SMARCC1: variants seen among roughly 807,000 people sequenced by gnomAD.
SMARCC1 encodes the protein SWI/SNF complex subunit SMARCC1.
Under a neutral mutation model 147.4 loss-of-function variants are expected in SMARCC1, and 43 were observed. That is an observed-to-expected ratio of 0.29 (90% CI 0.23 to 0.38). SMARCC1 has a LOEUF of 0.38. SMARCC1 is among the 10% of genes least tolerant of loss of function. SMARCC1 has a pLI of 1.00. For synonymous variants in SMARCC1, 495 were observed against 484.4 expected (o/e 1.02, Z -0.29); for missense variants, 1,119 against 1,381.1 (o/e 0.81, Z 3.01).
chr3:47,733,736 C>T (rs373408653), intron 5 of SMARCC1, among the ~76,000 whole-genome samples: 2 of 151,494 alleles, frequency 1.3e-5, no homozygotes, highest in African/African-American at 2.4e-5. Flanking sequence ...TGGTGGTGGG[C>T]GCCTGTAGTC....
intron 2 of SMARCC1, among the ~76,000 whole-genome samples, chr3:47,755,381 G>A (rs1287641556): frequency 6.1e-5 from 9 of 147,478 alleles, no homozygotes; most frequent in East Asian, 4.1e-4. Context: ...CCTGTAGTCC[G>A]AACTACTTGG....
At chr3:47,713,358 T>TAAATAAATAAAA (rs1358664000) in intron 8 of SMARCC1, among the ~76,000 whole-genome samples, 5 of 135,730 alleles carry the variant, frequency 3.7e-5, no homozygotes, top group African/African-American at 1.3e-4. Flanking sequence ...AATAAATAAA[T>TAAATAAATAAAA]AAAAGATAAA....
Position 47,588,219 on chromosome 3 carries a change from G to A in SMARCC1, c.3308C>T (p.Ala1103Val), listed in dbSNP as rs1273571642. 6.2e-7 allele frequency: 1 copy of A among 1,613,550 alleles called. No individual in the cohort carries two copies. Among genetic ancestry groups the A allele is most frequent in the Non-Finnish European group, 8.5e-7 (1 of 1,179,632 alleles). Residue 1103 changes from alanine (A) to valine (V), a missense_variant, in exon 28 of 28, where the codon GCT (alanine) becomes GTT (valine). Coordinates refer to ENST00000254480, the MANE Select transcript of SMARCC1 (RefSeq NM_003074.4). ...CCTGCATCTTCCAGGCTAAGGAGCA[G>A]CTGAGGCTGGCGGGCCAGGAGCAGG... ...PPPAPGPPAS[A>V]AP is the part of the protein sequence containing the mutation.
At chr3:47,725,351 T>A (rs192060163) in intron 6 of SMARCC1, among the ~76,000 whole-genome samples, 2 of 152,140 alleles carry the variant, frequency 1.3e-5, no homozygotes, top group Admixed American at 1.3e-4. Context: ...CAGGTATGGG[T>A]TTATTTTTAA....
At chr3:47,681,909 A>G (rs575576272) in intron 14 of SMARCC1, among the ~76,000 whole-genome samples, 9 of 152,302 alleles carry the variant, frequency 5.9e-5, no homozygotes, top group Non-Finnish European at 1.0e-4. Flanking sequence ...ATTCTGTATC[A>G]TAACTAGTAT....
In SMARCC1 at chr3:47,729,108, G is replaced by C. The variant is rs2034337192; in HGVS notation, c.577-14C>G. 6.3e-7 allele frequency: 1 copy of C among 1,589,596 alleles called. No individual in the cohort carries two copies. The highest frequency in any genetic ancestry group is 8.6e-7 in the Non-Finnish European group (1 of 1,160,498). On this transcript the variant is annotated splice_polypyrimidine_tract_variant and intron_variant, in intron 5 of 27. Coordinates refer to ENST00000254480, the MANE Select transcript of SMARCC1 (RefSeq NM_003074.4). Reference sequence around the variant, plus strand: ...CGTAAATGTTCCCTGGAAAGCAAATGAACAAAAACCACAAAAATAAAGCAC... The same window carrying C: ...CGTAAATGTTCCCTGGAAAGCAAATCAACAAAAACCACAAAAATAAAGCAC...
intron 26 of SMARCC1, among the ~76,000 whole-genome samples, chr3:47,591,094 T>C (rs772170903): frequency 6.6e-5 from 10 of 152,254 alleles, no homozygotes; most frequent in East Asian, 1.9e-4. Flanking sequence ...TAAAAAGAAA[T>C]GGCAAAGGTC....
intron 11 of SMARCC1, among the ~76,000 whole-genome samples, chr3:47,694,904 C>T (rs1050626157): frequency 3.3e-5 from 5 of 152,184 alleles, no homozygotes; most frequent in Non-Finnish European, 5.9e-5. Context: ...ATTCTTTATA[C>T]ATTTTTAGGA....
At chr3:47,597,838 A>C (rs2032316012) in intron 26 of SMARCC1, among the ~76,000 whole-genome samples, 1 of 152,218 alleles carries the variant, frequency 6.6e-6, no homozygotes, top group African/African-American at 2.4e-5. Flanking sequence ...GCTGAGATGG[A>C]AAATGAATTT....
intron 1 of SMARCC1, among the ~76,000 whole-genome samples, chr3:47,774,952 G>A (rs527962978): frequency 6.6e-5 from 10 of 151,968 alleles, no homozygotes; most frequent in South Asian, 2.1e-4. Flanking sequence ...CTACAGAGGC[G>A]TGCCAACACA....
intron 1 of SMARCC1, 144 bp from the exon 2 acceptor site, chr3:47,773,080 CA>C: frequency 1.7e-6 from 1 of 580,642 alleles, no homozygotes; most frequent in East Asian, 3.3e-5. Context: ...AAGGAGCTTA[CA>C]AAAACAAATA....
At chr3:47,688,403 T>C (rs909956377) in intron 13 of SMARCC1, among the ~76,000 whole-genome samples, 9 of 152,106 alleles carry the variant, frequency 5.9e-5, no homozygotes, top group Non-Finnish European at 1.0e-4. Flanking sequence ...CATGCATATG[T>C]TCATCCTTGA....
At chr3:47,663,632 G>T (rs2033380999) in intron 19 of SMARCC1, 2 of 1,508,782 alleles carry the variant, frequency 1.3e-6, no homozygotes, top group Non-Finnish European at 1.8e-6. Flanking sequence ...CTCCGGCCCT[G>T]TGATTCCAGA....
chr3:47,654,637 T>A (rs983636969), intron 21 of SMARCC1, among the ~76,000 whole-genome samples: 16 of 152,238 alleles, frequency 1.1e-4, no homozygotes, highest in African/African-American at 3.6e-4. Context: ...ATGGCCCCGA[T>A]TCCTAGCAAA....
At chr3:47,671,196 A>AAACAAAAAAC (rs1553682000) in intron 18 of SMARCC1, among the ~76,000 whole-genome samples, 4 of 81,144 alleles carry the variant, frequency 4.9e-5, no homozygotes, top group Non-Finnish European at 9.7e-5. Flanking sequence ...AAAAAAAAAA[A>AAACAAAAAAC]AACACACACA....
intron 21 of SMARCC1, 59 bp from the exon 22 acceptor site, chr3:47,638,839 T>A: frequency 8.8e-7 from 1 of 1,138,474 alleles, no homozygotes; most frequent in Non-Finnish European, 1.3e-6. Flanking sequence ...AAGCTATTAT[T>A]ATACAGCTGT....
intron 2 of SMARCC1, among the ~76,000 whole-genome samples, chr3:47,761,056 C>T (rs1243110991): frequency 1.3e-5 from 2 of 151,934 alleles, no homozygotes; most frequent in Non-Finnish European, 2.9e-5. Flanking sequence ...TGGCTTGAAC[C>T]CGGGAAGGGG....
chr3:47,671,169 ATC>A (rs2033491764), intron 18 of SMARCC1, among the ~76,000 whole-genome samples: 1 of 136,692 alleles, frequency 7.3e-6, no homozygotes, highest in African/African-American at 3.1e-5. Context: ...GAGCGAGACT[ATC>A]TCAAAAAAAA....
chr3:47,594,329 C>G (rs750820515), intron 26 of SMARCC1, among the ~76,000 whole-genome samples: 1 of 152,230 alleles, frequency 6.6e-6, no homozygotes, highest in Non-Finnish European at 1.5e-5. Context: ...AGAGGAGTCT[C>G]AGAGATCCGC....
Sources: allele counts gnomAD v4.1 joint callset (sites outside exome capture counted in the v4.1 genomes callset), GRCh38; gene constraint gnomAD v4.1.1; transcripts MANE v1.5; gene names NCBI Gene and HGNC (gene_info 2026-07-23, HGNC 2026-07-21).